The following NALF1 variants were observed in gnomAD, a reference collection of about 807,000 sequenced individuals.
NALF1 encodes the protein family with sequence similarity 155 member A.
In NALF1, 3 loss-of-function variants were observed where a neutral mutation model predicts 48.4. The observed-to-expected ratio is 0.06, with a 90% CI of 0.03 to 0.16. The LOEUF (loss-of-function observed/expected upper bound fraction) is 0.16, where lower values mean the gene tolerates loss of function less well. Among genes scored for constraint, NALF1 ranks in the 10% least tolerant of loss-of-function variants. NALF1 has a pLI of 1.00. For missense variants in NALF1, 526 were observed against 571.5 expected (o/e 0.92, Z 0.81); for synonymous variants, 262 against 245.7 (o/e 1.07, Z -0.62).
chr13:107,443,169 A>T (rs9301227), intron 1 of NALF1, among the ~76,000 whole-genome samples: 13,187 of 128,482 alleles, frequency 0.1, 839 homozygotes, highest in Middle Eastern at 0.14. Flanking sequence ...TTTATCTAAC[A>T]ATCTATCTAT....
At position 107,285,089 on chromosome 13, in the gene NALF1, A is replaced by T. The variant is rs530823216; in HGVS notation, c.916-74334T>A. On this transcript the variant is annotated intron_variant, in intron 1 of 2. Transcript: ENST00000375915. ...AGATTCAATGATTAGGACCTGTGGCATATATTATATGTCTATGTGTACTTT... is the reference window on the plus strand; with the variant it reads ...AGATTCAATGATTAGGACCTGTGGCTTATATTATATGTCTATGTGTACTTT... 3.3e-4 allele frequency among the ~76,000 whole-genome samples: 50 copies of T among 152,334 alleles called. 1 individual carries two copies. In the South Asian group the frequency reaches 0.01, roughly 32 times the overall value.
At chr13:107,421,240 C>T (rs72650588) in intron 1 of NALF1, among the ~76,000 whole-genome samples, 31,852 of 152,034 alleles carry the variant, frequency 0.21, 3,818 homozygotes, top group Admixed American at 0.27. Flanking sequence ...GATTCATAAC[C>T]TTCCAAAGCC....
intron 2 of NALF1, among the ~76,000 whole-genome samples, chr13:107,196,161 GGAA>G (rs1879387388): frequency 6.6e-6 from 1 of 152,150 alleles, no homozygotes; most frequent in South Asian, 2.1e-4. Context: ...TGGAGAAGGT[GGAA>G]GAAGGGAGAG....
At chr13:107,707,297 A>G (rs1875424487) in intron 1 of NALF1, among the ~76,000 whole-genome samples, 1 of 152,156 alleles carries the variant, frequency 6.6e-6, no homozygotes. Flanking sequence ...GGAAGACTTT[A>G]TTTTCCTTCT....
At chr13:107,574,375 T>C (rs995765283) in intron 1 of NALF1, among the ~76,000 whole-genome samples, 1 of 152,214 alleles carries the variant, frequency 6.6e-6, no homozygotes, top group Non-Finnish European at 1.5e-5. Context: ...GTTCACTTGT[T>C]TGTTGCCTAT....
At chr13:107,229,819 A>G (rs1351234573) in intron 1 of NALF1, among the ~76,000 whole-genome samples, 1 of 152,224 alleles carries the variant, frequency 6.6e-6, no homozygotes, top group Non-Finnish European at 1.5e-5. Context: ...TTTGCCAGGT[A>G]GGGGTTTCCC....
At chr13:107,396,498 C>A (rs2138987409) in intron 1 of NALF1, among the ~76,000 whole-genome samples, 1 of 152,254 alleles carries the variant, frequency 6.6e-6, no homozygotes, top group East Asian at 1.9e-4. Flanking sequence ...ATCTCAACAT[C>A]CCATTCTGAT....
chr13:107,252,528 A>G (rs558651706), intron 1 of NALF1, among the ~76,000 whole-genome samples: 2 of 152,200 alleles, frequency 1.3e-5, no homozygotes, highest in Non-Finnish European at 2.9e-5. Context: ...AGAAGGAGAC[A>G]GAAGACAGAG....
chr13:107,278,790 TAGA>T (rs1306199093), intron 1 of NALF1, among the ~76,000 whole-genome samples: 5 of 152,224 alleles, frequency 3.3e-5, no homozygotes, highest in African/African-American at 7.2e-5. Context: ...AAGAATATGC[TAGA>T]AGAAGATCAT....
intron 1 of NALF1, among the ~76,000 whole-genome samples, chr13:107,779,611 G>A (rs1389850457): frequency 2.6e-5 from 4 of 152,138 alleles, no homozygotes; most frequent in East Asian, 1.9e-4. Context: ...ACAAAAGTGC[G>A]TTGATTCCTG....
At chr13:107,639,314 C>G (rs1880082541) in intron 1 of NALF1, among the ~76,000 whole-genome samples, 1 of 152,022 alleles carries the variant, frequency 6.6e-6, no homozygotes, top group Non-Finnish European at 1.5e-5. Context: ...TCCCTGCCAA[C>G]TTTTTCAAAC....
intron 1 of NALF1, among the ~76,000 whole-genome samples, chr13:107,379,053 CTATT>C (rs1883388106): frequency 6.6e-6 from 1 of 152,168 alleles, no homozygotes; most frequent in Non-Finnish European, 1.5e-5. Flanking sequence ...ATCACTAACA[CTATT>C]TATTGTACCC....
rs554073343 is a variant in NALF1, at chr13:107,178,402, TA to T, written c.1088-7617del. On this transcript the variant is annotated intron_variant, in intron 2 of 2. Coordinates refer to ENST00000375915, the MANE Select transcript of NALF1 (RefSeq NM_001080396.3). The stretch of plus-strand genomic sequence containing the variant: ...TTTAAAAATTGGCAAAAGATCTGAA[TA>T]GACATTTCTCAAAAGGAGACATACA... Among the ~76,000 whole-genome samples the T allele has an allele frequency of 4.6e-5, 7 of 152,276 alleles. No individual in the cohort carries two copies. The South Asian group carries it at 1.2e-3, about 27-fold the overall frequency.
At chr13:107,709,284 G>C (rs1011149707) in intron 1 of NALF1, among the ~76,000 whole-genome samples, 1 of 152,186 alleles carries the variant, frequency 6.6e-6, no homozygotes, top group Admixed American at 6.5e-5. Flanking sequence ...AACCAGGTTG[G>C]TATAGTTAAA....
intron 1 of NALF1, among the ~76,000 whole-genome samples, chr13:107,703,762 T>C (rs1881881991): frequency 6.6e-6 from 1 of 152,136 alleles, no homozygotes. Flanking sequence ...TCTGGAACTT[T>C]AGTAAACCTG....
intron 1 of NALF1, among the ~76,000 whole-genome samples, chr13:107,786,078 G>A (rs1191565061): frequency 6.6e-6 from 1 of 152,094 alleles, no homozygotes; most frequent in African/African-American, 2.4e-5. Flanking sequence ...CAAAGGTTTT[G>A]TTGAGGACTT....
At chr13:107,826,841 C>T (rs1437148927) in intron 1 of NALF1, among the ~76,000 whole-genome samples, 3 of 152,266 alleles carry the variant, frequency 2.0e-5, no homozygotes, top group South Asian at 2.1e-4. Flanking sequence ...CTCATTGGAA[C>T]GAGAGGCATC....
chr13:107,221,637 G>A (rs1879996189), intron 1 of NALF1, among the ~76,000 whole-genome samples: 1 of 152,034 alleles, frequency 6.6e-6, no homozygotes, highest in South Asian at 2.1e-4. Context: ...ATTTTGCCAG[G>A]TGTTTTCAAT....
In NALF1 at chr13:107,168,568, A is replaced by G. The variant is rs2138759714; in HGVS notation, c.*1929T>C. ...GTTTTCTTTTTTTTTGTATTTGCGCAGACCATTTTAAGATTTTCAGTCTCA... is the reference window on the plus strand; with the variant it reads ...GTTTTCTTTTTTTTTGTATTTGCGCGGACCATTTTAAGATTTTCAGTCTCA... On this transcript the variant is annotated 3_prime_UTR_variant, in exon 3 of 3. Transcript: ENST00000375915. 1 of 152,670 alleles carries G rather than the reference A, an allele frequency of 6.6e-6. No individual in the cohort carries two copies. Among genetic ancestry groups the G allele is most frequent in the East Asian group, 1.9e-4 (1 of 5,186 alleles). 9.5% of individuals were successfully genotyped at this position (152,670 alleles called of 1,614,324 possible).
Sources: allele counts gnomAD v4.1 joint callset (sites outside exome capture counted in the v4.1 genomes callset), GRCh38; gene constraint gnomAD v4.1.1; transcripts MANE v1.5; gene names NCBI Gene and HGNC (gene_info 2026-07-23, HGNC 2026-07-21).